Variants in CMPK1 observed in about 807,000 individuals in gnomAD.
The protein encoded by CMPK1 is UMP-CMP kinase.
Under a neutral mutation model 25.7 loss-of-function variants are expected in CMPK1, and 10 were observed. The ratio of observed to expected loss-of-function variants is 0.39; its 90% CI spans 0.24 to 0.66. The LOEUF (loss-of-function observed/expected upper bound fraction) is 0.66. Among genes scored for constraint, CMPK1 ranks in the 30% least tolerant of loss-of-function variants. CMPK1 has a pLI of 0.48. For missense variants in CMPK1, 199 were observed against 280.5 expected (o/e 0.71, Z 2.08); for synonymous variants, 106 against 101.5 (o/e 1.04, Z -0.27).
intron 1 of CMPK1, among the ~76,000 whole-genome samples, chr1:47,335,994 C>T (rs1487292795): frequency 2.0e-5 from 3 of 152,092 alleles, no homozygotes; most frequent in Non-Finnish European, 4.4e-5. Flanking sequence ...AACTCTTGAC[C>T]TCGTGATCTG....
chr1:47,370,782 CAAAAAA>C (rs60407679), intron 2 of CMPK1, among the ~76,000 whole-genome samples: 1 of 116,386 alleles, frequency 8.6e-6, no homozygotes, highest in Non-Finnish European at 1.7e-5. Flanking sequence ...ACTAAAAATA[CAAAAAA>C]AAAAAAAAAA....
At chr1:47,357,878 G>A (rs1383380105) in intron 1 of CMPK1, among the ~76,000 whole-genome samples, 3 of 151,998 alleles carry the variant, frequency 2.0e-5, no homozygotes, top group Admixed American at 6.6e-5. Flanking sequence ...TAGGCCCCAC[G>A]TCCCAACACT....
chr1:47,343,594 T>G (rs1646458636), intron 1 of CMPK1, among the ~76,000 whole-genome samples: 1 of 151,346 alleles, frequency 6.6e-6, no homozygotes, highest in Non-Finnish European at 1.5e-5. Flanking sequence ...CCAGGCACTG[T>G]GATATTGGTT....
chr1:47,338,208 G>T (rs1210879865), intron 1 of CMPK1, among the ~76,000 whole-genome samples: 2 of 152,156 alleles, frequency 1.3e-5, no homozygotes, highest in Non-Finnish European at 2.9e-5. Flanking sequence ...AGAATCTTCA[G>T]TTGACAGGAA....
chr1:47,358,671 G>T, intron 1 of CMPK1: 1 of 985,970 alleles, frequency 1.0e-6, no homozygotes, highest in African/African-American at 1.7e-5. Flanking sequence ...TTCTGAGTGT[G>T]TGATTTCATG....
chr1:47,357,152 A>T (rs1354575494), intron 1 of CMPK1, among the ~76,000 whole-genome samples: 1 of 151,620 alleles, frequency 6.6e-6, no homozygotes, highest in African/African-American at 2.4e-5. Flanking sequence ...TTTAGTGGAG[A>T]TGGGGTTTCA....
At chr1:47,342,653 T>TTC (rs771432659) in intron 1 of CMPK1, among the ~76,000 whole-genome samples, 379 of 144,978 alleles carry the variant, frequency 2.6e-3, no homozygotes, top group Non-Finnish European at 4.5e-3. Flanking sequence ...TTTTTTCTTT[T>TTC]TTTTTTTTTT....
intron 1 of CMPK1, among the ~76,000 whole-genome samples, chr1:47,337,144 G>A (rs12024163): frequency 0.18 from 26,869 of 152,066 alleles, 2,992 homozygotes; most frequent in East Asian, 0.53. Context: ...TTAGCCGGGC[G>A]TGGTGGCAGG....
At chr1:47,375,382 A>G in intron 5 of CMPK1, 89 bp downstream of exon 5, 2 of 838,402 alleles carry the variant, frequency 2.4e-6, no homozygotes, top group South Asian at 3.6e-5. Flanking sequence ...AAGAAATACT[A>G]TCACAGATTA....
chr1:47,374,755 T>C (rs1303326715), intron 3 of CMPK1, among the ~76,000 whole-genome samples, 154 bp from the exon 4 acceptor site: 1 of 152,212 alleles, frequency 6.6e-6, no homozygotes, highest in Non-Finnish European at 1.5e-5. Flanking sequence ...CATGTTTACG[T>C]TTAAAAGGAC....
intron 1 of CMPK1, among the ~76,000 whole-genome samples, chr1:47,359,386 C>CT (rs71053107): frequency 0.2 from 20,914 of 102,712 alleles, 2,974 homozygotes; most frequent in East Asian, 0.51. Flanking sequence ...AACCTTTTTT[C>CT]TTTTTTTTTT....
chr1:47,346,983 G>A (rs879810566), intron 1 of CMPK1, among the ~76,000 whole-genome samples: 7 of 148,380 alleles, frequency 4.7e-5, no homozygotes, highest in Non-Finnish European at 1.0e-4. Flanking sequence ...GGGTTTCACC[G>A]CGTTGGCCAG....
intron 2 of CMPK1, among the ~76,000 whole-genome samples, chr1:47,369,162 C>T (rs912743049): frequency 6.6e-6 from 1 of 152,094 alleles, no homozygotes; most frequent in African/African-American, 2.4e-5. Context: ...TGCCACCACA[C>T]CTAGCTAATT....
At chr1:47,336,133 T>C (rs1289397482) in intron 1 of CMPK1, among the ~76,000 whole-genome samples, 2 of 64,636 alleles carry the variant, frequency 3.1e-5, no homozygotes, top group Non-Finnish European at 6.3e-5. Flanking sequence ...CGAGACTCCG[T>C]CTCAGAAATA....
At chr1:47,338,246 C>G (rs1001152383) in intron 1 of CMPK1, among the ~76,000 whole-genome samples, 2 of 152,078 alleles carry the variant, frequency 1.3e-5, no homozygotes, top group Admixed American at 1.3e-4. Context: ...ACCAAAAACC[C>G]TTAGGGATAT....
At position 47,377,473 on chromosome 1, in the gene CMPK1, A is replaced by G. The variant is rs1211719048; in HGVS notation, c.*728A>G. Reference sequence around the variant, plus strand: ...CTAATGCTTGTGTTCCTTATACTCTATTATATAGTGTTATTCATGATTCAG... The same window carrying G: ...CTAATGCTTGTGTTCCTTATACTCTGTTATATAGTGTTATTCATGATTCAG... On this transcript the variant is annotated 3_prime_UTR_variant, in exon 6 of 6. Coordinates refer to ENST00000371873, the MANE Select transcript of CMPK1 (RefSeq NM_016308.3). The G allele has an allele frequency of 6.6e-6, 1 of 152,200 alleles. No individual in the cohort carries two copies. The highest frequency in any genetic ancestry group is 1.5e-5 in the Non-Finnish European group (1 of 68,038). The allele number at this position is 152,200 out of a possible 1,614,324, so 9.4% of individuals were successfully genotyped here. A position where few individuals can be genotyped will look rare whatever the true frequency, so the allele number is the denominator to read the frequency against.
Position 47,373,198 on chromosome 1 carries a change from T to C in CMPK1, c.471+91T>C, listed in dbSNP as rs149792375. 601 of 1,187,316 alleles carry C rather than the reference T, an allele frequency of 5.1e-4. 2 individuals carry two copies. In the African/African-American group the frequency reaches 8.6e-3, roughly 17 times the overall value. The allele number at this position is 1,187,316 out of a possible 1,614,324, so 73.5% of individuals were successfully genotyped here. A position where few individuals can be genotyped will look rare whatever the true frequency, so the allele number is the denominator to read the frequency against. ...AAAGGATTTTTTAACTTATATTTTA[T>C]ATTGGCAGCAGTGTTTTTTGAATTG... On this transcript the variant is annotated intron_variant, in intron 3 of 5. Transcript: ENST00000371873.
intron 1 of CMPK1, chr1:47,358,484 C>T: frequency 8.7e-7 from 1 of 1,155,590 alleles, no homozygotes; most frequent in Non-Finnish European, 1.1e-6. Flanking sequence ...TTTGCTGTGG[C>T]TGTTAGTATA....
intron 1 of CMPK1, among the ~76,000 whole-genome samples, chr1:47,338,096 C>T (rs2149323731): frequency 6.6e-6 from 1 of 152,108 alleles, no homozygotes; most frequent in East Asian, 1.9e-4. Flanking sequence ...TCCAATTAAT[C>T]TGGCTGAAGC....
Sources: gnomAD v4.1 joint callset for allele counts (sites outside exome capture counted in the v4.1 genomes callset) on GRCh38, gnomAD v4.1.1 for gene constraint, MANE v1.5 for transcripts, NCBI Gene and HGNC (gene_info 2026-07-23, HGNC 2026-07-21) for gene names.